RNF157: variants seen among roughly 807,000 people sequenced by gnomAD.
The protein encoded by RNF157 is E3 ubiquitin ligase RNF157.
Under a neutral mutation model 88.3 loss-of-function variants are expected in RNF157, and 55 were observed. That is an observed-to-expected ratio of 0.62 (90% CI 0.50 to 0.78). The LOEUF (loss-of-function observed/expected upper bound fraction) is 0.78. RNF157 is among the 30% of genes least tolerant of loss of function. RNF157 has a pLI of 0.00. For synonymous variants in RNF157, 334 were observed against 341.2 expected, an observed-to-expected ratio of 0.98 and a Z score of 0.23; for missense variants, 788 against 860.8, an observed-to-expected ratio of 0.92 and a Z score of 1.06.
chr17:76,165,436 T>C, intron 7 of RNF157, 66 bp downstream of exon 7: 1 of 1,543,496 alleles, frequency 6.5e-7, no homozygotes, highest in Non-Finnish European at 9.0e-7. Context: ...AGCAAACGGG[T>C]TACATGTGTC....
chr17:76,222,798 T>C (rs2070008715), intron 1 of RNF157, among the ~76,000 whole-genome samples: 1 of 152,140 alleles, frequency 6.6e-6, no homozygotes, highest in Non-Finnish European at 1.5e-5. Context: ...GAATAGCATG[T>C]GTGTGAGAGA....
intron 2 of RNF157, among the ~76,000 whole-genome samples, chr17:76,177,440 C>T (rs984808915): frequency 3.9e-5 from 6 of 151,906 alleles, no homozygotes; most frequent in South Asian, 2.1e-4. Context: ...TAGGAGTGCA[C>T]ATGCTCGGGG....
intron 2 of RNF157, among the ~76,000 whole-genome samples, chr17:76,175,018 C>T (rs2069081305): frequency 6.6e-6 from 1 of 152,148 alleles, no homozygotes; most frequent in South Asian, 2.1e-4. Context: ...AAAACTATCC[C>T]TAATTTTACT....
intron 1 of RNF157, among the ~76,000 whole-genome samples, chr17:76,215,145 G>A (rs180975355): frequency 1.9e-4 from 29 of 152,138 alleles, no homozygotes; most frequent in Admixed American, 1.8e-3. Context: ...TGCAATTTTT[G>A]TTGAAGATTT....
chr17:76,155,843 G>A (rs2068754809), intron 14 of RNF157, 109 bp from the exon 15 acceptor site: 1 of 983,948 alleles, frequency 1.0e-6, no homozygotes, highest in Non-Finnish European at 1.5e-6. Flanking sequence ...GGAGTGAAGT[G>A]GCCGTATCTT....
chr17:76,221,374 C>A (rs148885417), intron 1 of RNF157, among the ~76,000 whole-genome samples: 2 of 152,052 alleles, frequency 1.3e-5, no homozygotes, highest in Non-Finnish European at 1.5e-5. Context: ...CTGCTGAAAC[C>A]AGTTAACCAC....
chr17:76,233,341 T>C (rs927662348), intron 1 of RNF157, among the ~76,000 whole-genome samples: 2 of 152,256 alleles, frequency 1.3e-5, no homozygotes, highest in Non-Finnish European at 2.9e-5. Context: ...GGCTTGTCTT[T>C]TCAACTTTTT....
chr17:76,214,142 G>C (rs900833771), intron 1 of RNF157, among the ~76,000 whole-genome samples: 1 of 152,166 alleles, frequency 6.6e-6, no homozygotes. Context: ...CATCAGAAGT[G>C]GGGGGCAGTC....
At chr17:76,151,742 C>T (rs1223414663) in intron 18 of RNF157, among the ~76,000 whole-genome samples, 1 of 152,212 alleles carries the variant, frequency 6.6e-6, no homozygotes, top group Non-Finnish European at 1.5e-5. Context: ...GGCACTCTGA[C>T]AACCTGATCA....
chr17:76,205,966 A>T (rs937380456), intron 2 of RNF157, among the ~76,000 whole-genome samples: 18 of 152,282 alleles, frequency 1.2e-4, no homozygotes, highest in African/African-American at 4.3e-4. Flanking sequence ...ACAGTGGCTC[A>T]TAGCTATAAT....
Position 76,143,499 on chromosome 17 carries a change from T to C in RNF157, c.*1736A>G, listed in dbSNP as rs995057666. ...GGAAGTGGGGTTATTGCTCAGCTTATGCATCTTAACTATGAAAGGGGCGGG... is the reference window on the plus strand; with the variant it reads ...GGAAGTGGGGTTATTGCTCAGCTTACGCATCTTAACTATGAAAGGGGCGGG... On this transcript the variant is annotated 3_prime_UTR_variant, in exon 19 of 19. Transcript: ENST00000269391. 2 of 152,252 alleles carry C rather than the reference T, an allele frequency of 1.3e-5. No homozygotes were observed. The highest frequency in any genetic ancestry group is 2.9e-5 in the Non-Finnish European group (2 of 68,070). The allele number at this position is 152,252 out of a possible 1,614,324, so 9.4% of individuals were successfully genotyped here. A position where few individuals can be genotyped will look rare whatever the true frequency, so the allele number is the denominator to read the frequency against.
intron 1 of RNF157, among the ~76,000 whole-genome samples, chr17:76,214,116 T>C (rs1052062375): frequency 6.6e-6 from 1 of 152,146 alleles, no homozygotes; most frequent in African/African-American, 2.4e-5. Flanking sequence ...TAAAACAACC[T>C]GGGGCTTGCG....
Position 76,240,171 on chromosome 17 carries a change from G to C in RNF157, c.70C>G (p.Arg24Gly). Reference protein sequence around the residue: ...EVDIPSNSVYRYPPKSGSYFA... With the variant: ...EVDIPSNSVYGYPPKSGSYFA... ...CCCTCACCGGACTTGGGCGGGTAGC[G>C]GTACACGGAATTAGACGGGATGTCC... Residue 24 changes from arginine (R) to glycine (G), a missense_variant, in exon 1 of 19, where the codon CGC becomes GGC. By Grantham distance (125) the Arg-to-Gly change is moderately radical. Coordinates refer to ENST00000269391, the MANE Select transcript of RNF157 (RefSeq NM_052916.3). This position sits in a 1 kb window ranked among gnomAD's most constrained non-coding sequence, Gnocchi z 4.4. 5.1e-6 allele frequency: 7 copies of C among 1,383,278 alleles called. No individual in the cohort carries two copies. The highest frequency in any genetic ancestry group is 6.6e-6 in the Non-Finnish European group (7 of 1,054,324). 85.7% of individuals were successfully genotyped at this position (1,383,278 alleles called of 1,614,324 possible).
intron 2 of RNF157, among the ~76,000 whole-genome samples, chr17:76,199,300 T>C (rs2069531101): frequency 6.6e-6 from 1 of 152,198 alleles, no homozygotes; most frequent in Non-Finnish European, 1.5e-5. Flanking sequence ...AAATTGGTTT[T>C]GGCTGGAGTG....
At chr17:76,210,444 G>A (rs1028585154) in intron 2 of RNF157, among the ~76,000 whole-genome samples, 15 of 151,606 alleles carry the variant, frequency 9.9e-5, no homozygotes, top group African/African-American at 3.1e-4. Flanking sequence ...CAAAAAATTA[G>A]CCGGGTGTAG....
At chr17:76,175,988 C>T (rs923827517) in intron 2 of RNF157, among the ~76,000 whole-genome samples, 4 of 152,198 alleles carry the variant, frequency 2.6e-5, no homozygotes, top group Non-Finnish European at 2.9e-5. Context: ...ACTTTAGGCT[C>T]TCCCTGTACA....
chr17:76,166,890 C>T, intron 5 of RNF157, 119 bp downstream of exon 5: 1 of 684,092 alleles, frequency 1.5e-6, no homozygotes, highest in Non-Finnish European at 2.5e-6. Flanking sequence ...AGTCACAAGG[C>T]TGAAAGGTAA....
At chr17:76,188,845 T>TA (rs1555656958) in intron 2 of RNF157, among the ~76,000 whole-genome samples, 1 of 152,202 alleles carries the variant, frequency 6.6e-6, no homozygotes, top group Non-Finnish European at 1.5e-5. Flanking sequence ...CCGGACCATG[T>TA]AAACAGGGCT....
chr17:76,228,033 T>C (rs367860484), intron 1 of RNF157, among the ~76,000 whole-genome samples: 259 of 152,344 alleles, frequency 1.7e-3, no homozygotes, highest in South Asian at 4.1e-3. Flanking sequence ...ACAGTTTATG[T>C]TGCTTCCTGT....
Sources: allele counts gnomAD v4.1 joint callset (sites outside exome capture counted in the v4.1 genomes callset), GRCh38; gene constraint gnomAD v4.1.1; non-coding constraint Gnocchi (gnomAD v3.1); transcripts MANE v1.5; gene names NCBI Gene and HGNC (gene_info 2026-07-23, HGNC 2026-07-21).